The following MDH2 variants were observed in gnomAD, a reference collection of about 807,000 sequenced individuals.
The protein encoded by MDH2 is malate dehydrogenase 2.
A neutral mutation model predicts 33.6 loss-of-function variants in MDH2; 25 were observed. The ratio of observed to expected loss-of-function variants is 0.74; its 90% confidence interval spans 0.54 to 1.04. The LOEUF is 1.04. Among genes scored for constraint, MDH2 ranks in the 50% least tolerant of loss-of-function variants. MDH2 has a pLI of 0.00. For synonymous variants in MDH2, 193 were observed against 188.7 expected (o/e 1.02, Z -0.19); for missense variants, 432 against 445.0 (o/e 0.97, Z 0.26).
chr7:76,062,176 G>C (rs980029078), intron 5 of MDH2, among the ~76,000 whole-genome samples: 37 of 152,194 alleles, frequency 2.4e-4, no homozygotes, highest in African/African-American at 8.2e-4. Flanking sequence ...CCGATGGCTG[G>C]TTCCTCCCTC....
At chr7:76,048,837 G>C in intron 1 of MDH2, 1 of 1,207,904 alleles carries the variant, frequency 8.3e-7, no homozygotes, top group Non-Finnish European at 1.0e-6. Flanking sequence ...TGCTTGACTT[G>C]GCCCGCGACC....
intron 3 of MDH2, 81 bp from the exon 4 acceptor site, chr7:76,057,888 A>G: frequency 7.4e-7 from 1 of 1,354,718 alleles, no homozygotes. Context: ...AATTTCCTGT[A>G]ACAGCTGGCG....
At chr7:76,061,811 C>T (rs979789508) in intron 5 of MDH2, among the ~76,000 whole-genome samples, 1 of 152,160 alleles carries the variant, frequency 6.6e-6, no homozygotes, top group African/African-American at 2.4e-5. Flanking sequence ...TTCTCGTGGG[C>T]TCTCAGGGCT....
At chr7:76,066,257 A>T (rs782145929) in intron 8 of MDH2, 22 bp from the exon 9 acceptor site, 2 of 1,600,876 alleles carry the variant, frequency 1.2e-6, no homozygotes, top group Admixed American at 1.7e-5. Flanking sequence ...ACTTCATTTT[A>T]ACATGTTCCC....
intron 1 of MDH2, chr7:76,048,745 C>T (rs1797433400): frequency 8.1e-7 from 1 of 1,231,108 alleles, no homozygotes; most frequent in East Asian, 3.2e-5. Flanking sequence ...CGCTTCTGAC[C>T]TGAAGACGGC....
intron 6 of MDH2, 85 bp from the exon 7 acceptor site, chr7:76,064,254 A>G (rs1186492863): frequency 3.4e-6 from 3 of 880,500 alleles, no homozygotes; most frequent in Non-Finnish European, 5.2e-6. Context: ...GGGAGAGGAG[A>G]GGTCGGGAAT....
rs1261864050 is a variant in MDH2, at chr7:76,067,328, G to A, written c.*918G>A. 6.6e-6 allele frequency: 1 copy of A among 152,188 alleles called. No individual in the cohort carries two copies. The highest frequency in any genetic ancestry group is 1.5e-5 in the Non-Finnish European group (1 of 68,032). The allele number at this position is 152,188 out of a possible 1,614,324, so 9.4% of individuals were successfully genotyped here. Reference sequence around the variant, plus strand: ...TTCAGTGGAAGAGGGAGGGCTGGAGGTGTGCCCAGTACTTGGATGTTCATC... The same window carrying A: ...TTCAGTGGAAGAGGGAGGGCTGGAGATGTGCCCAGTACTTGGATGTTCATC... On this transcript the variant is annotated 3_prime_UTR_variant, in exon 9 of 9. Coordinates refer to ENST00000315758, the MANE Select transcript of MDH2 (RefSeq NM_005918.4).
chr7:76,060,608 T>C, intron 5 of MDH2, 110 bp downstream of exon 5: 5 of 1,479,950 alleles, frequency 3.4e-6, no homozygotes, highest in Non-Finnish European at 4.5e-6. Flanking sequence ...ACGTGTCACT[T>C]TGGGGTTTTA....
At chr7:76,052,529 G>A (rs1797656951) in intron 1 of MDH2, among the ~76,000 whole-genome samples, 1 of 150,880 alleles carries the variant, frequency 6.6e-6, no homozygotes, top group Non-Finnish European at 1.5e-5. Flanking sequence ...CCACTGCCCT[G>A]GCTGAGTGAT....
intron 8 of MDH2, among the ~76,000 whole-genome samples, chr7:76,065,917 G>T (rs1554587806): frequency 2.0e-5 from 3 of 152,238 alleles, no homozygotes; most frequent in African/African-American, 7.2e-5. Context: ...ACGGTGAAGT[G>T]TTCCTGATGA....
intron 5 of MDH2, among the ~76,000 whole-genome samples, chr7:76,062,035 A>G (rs186708904): frequency 1.3e-5 from 2 of 152,330 alleles, no homozygotes; most frequent in Non-Finnish European, 2.9e-5. Flanking sequence ...AGTTGGGGAC[A>G]GGGTACCTTG....
At chr7:76,065,342 T>C (rs1554587701) in intron 8 of MDH2, among the ~76,000 whole-genome samples, 1 of 152,138 alleles carries the variant, frequency 6.6e-6, no homozygotes. Context: ...TTCGAGAGTG[T>C]GCCCCATCCA....
chr7:76,049,360 G>A (rs1797518839), intron 1 of MDH2, among the ~76,000 whole-genome samples: 1 of 152,190 alleles, frequency 6.6e-6, no homozygotes, highest in African/African-American at 2.4e-5. Context: ...ATACAGATAA[G>A]TACATTAAGT....
chr7:76,066,222 T>G lies in MDH2; in HGVS notation c.886-57T>G. 6.3e-6 allele frequency: 10 copies of G among 1,584,434 alleles called. 1 individual carries two copies. In the South Asian group the frequency reaches 1.1e-4, roughly 18 times the overall value. On this transcript the variant is annotated intron_variant, in intron 8 of 8. Transcript: ENST00000315758. The stretch of plus-strand genomic sequence containing the variant: ...GGCTGATGGAGCGACAGGTCGGGGT[T>G]TCTCTAACAAGCACTTTCCTGGAAA...
rs1400068042 is a variant in MDH2 at position 76,057,418 on chromosome 7, G to A, written c.244G>A (p.Gly82Arg). The A allele has an allele frequency of 1.7e-5, 28 of 1,614,028 alleles. No homozygotes were observed. Among genetic ancestry groups the A allele is most frequent in the African/African-American group, 6.7e-5 (5 of 74,900 alleles). Residue 82 changes from glycine (G) to arginine (R), a missense_variant, in exon 3 of 9, where the codon GGA (glycine) becomes AGA (arginine). Transcript: ENST00000315758. Reference sequence around the variant, plus strand: ...TGGGGTGTTTGTTCTAGGCTACCTCGGACCTGAACAGCTGCCTGACTGCCT... The same window carrying A: ...TGGGGTGTTTGTTCTAGGCTACCTCAGACCTGAACAGCTGCCTGACTGCCT... Reference protein sequence around the residue: ...ETKAAVKGYLGPEQLPDCLKG... With the variant: ...ETKAAVKGYLRPEQLPDCLKG...
chr7:76,051,362 C>T (rs1205646286), intron 1 of MDH2, among the ~76,000 whole-genome samples: 2 of 146,730 alleles, frequency 1.4e-5, no homozygotes, highest in African/African-American at 5.1e-5. Context: ...GCTCTTGTTG[C>T]CCAGGCTGGA....
intron 1 of MDH2, among the ~76,000 whole-genome samples, chr7:76,052,573 T>C (rs1554585636): frequency 6.6e-6 from 1 of 151,188 alleles, no homozygotes; most frequent in Non-Finnish European, 1.5e-5. Flanking sequence ...TTTTTTTTTT[T>C]TTTTTTTTGA....
rs1554588127 is a variant in MDH2, at chr7:76,067,438, A to G, written c.*1028A>G. ...AAGGATGACATCGTTTTCTTCTACA[A>G]TTAATACATGTTCATTGTATAAAAC... On this transcript the variant is annotated 3_prime_UTR_variant, in exon 9 of 9. Coordinates refer to ENST00000315758, the MANE Select transcript of MDH2 (RefSeq NM_005918.4). The G allele has an allele frequency of 6.6e-6, 1 of 152,274 alleles. No individual in the cohort carries two copies. The highest frequency in any genetic ancestry group is 2.4e-5 in the African/African-American group (1 of 41,482). 9.4% of individuals were successfully genotyped at this position (152,274 alleles called of 1,614,324 possible). A position where few individuals can be genotyped will look rare whatever the true frequency, so the allele number is the denominator to read the frequency against.
intron 5 of MDH2, among the ~76,000 whole-genome samples, chr7:76,061,661 G>GT (rs1797954096): frequency 6.6e-6 from 1 of 150,834 alleles, no homozygotes; most frequent in Admixed American, 6.6e-5. Context: ...AAAAAAAACA[G>GT]TTTGAGTGAG....
Sources: allele counts gnomAD v4.1 joint callset (sites outside exome capture counted in the v4.1 genomes callset), GRCh38; gene constraint gnomAD v4.1.1; transcripts MANE v1.5; gene names NCBI Gene and HGNC (gene_info 2026-07-23, HGNC 2026-07-21).